The following BAIAP2L1 variants were observed in gnomAD, a reference collection of about 807,000 sequenced individuals.
BAIAP2L1 encodes the protein BAR/IMD domain containing adaptor protein 2 like 1, also known as BAR/IMD domain-containing adapter protein 2-like 1.
Under a neutral mutation model 66.3 loss-of-function variants are expected in BAIAP2L1, and 35 were observed. That is an observed-to-expected ratio of 0.53 (90% CI 0.40 to 0.70). The LOEUF (loss-of-function observed/expected upper bound fraction) is 0.70, where lower values mean the gene tolerates loss of function less well. Among genes scored for constraint, BAIAP2L1 ranks in the 30% least tolerant of loss-of-function variants. BAIAP2L1 has a pLI of 0.00. For missense variants in BAIAP2L1, 622 were observed against 656.9 expected (o/e 0.95, Z 0.58); for synonymous variants, 269 against 248.7 (o/e 1.08, Z -0.77).
intron 1 of BAIAP2L1, among the ~76,000 whole-genome samples, chr7:98,387,024 A>G (rs974930921): frequency 1.3e-5 from 2 of 152,100 alleles, no homozygotes; most frequent in African/African-American, 2.4e-5. Flanking sequence ...TAAAGACTGT[A>G]CATCGCCTTA....
At chr7:98,315,330 G>T in intron 7 of BAIAP2L1, 130 bp downstream of exon 7, 1 of 819,268 alleles carries the variant, frequency 1.2e-6, no homozygotes, top group Non-Finnish European at 1.7e-6. Flanking sequence ...GTTTTGCCAT[G>T]TTGCCCAGGC....
At chr7:98,345,931 GAC>G (rs1464676505) in intron 3 of BAIAP2L1, among the ~76,000 whole-genome samples, 1 of 151,700 alleles carries the variant, frequency 6.6e-6, no homozygotes, top group Non-Finnish European at 1.5e-5. Context: ...AAAAAAAAGA[GAC>G]AATAACAAGT....
intron 1 of BAIAP2L1, among the ~76,000 whole-genome samples, chr7:98,363,879 C>T (rs143516058): frequency 4.7e-4 from 72 of 152,210 alleles, no homozygotes; most frequent in Admixed American, 7.2e-4. Flanking sequence ...GAGAATAGGA[C>T]GACTCTTGTT....
intron 3 of BAIAP2L1, among the ~76,000 whole-genome samples, chr7:98,325,416 G>A (rs574898566): frequency 6.6e-6 from 1 of 152,100 alleles, no homozygotes; most frequent in East Asian, 1.9e-4. Context: ...GGTGGCTCAT[G>A]CCTGTAATCC....
At chr7:98,318,090 A>G (rs1162011982) in intron 5 of BAIAP2L1, among the ~76,000 whole-genome samples, 1 of 152,148 alleles carries the variant, frequency 6.6e-6, no homozygotes, top group Non-Finnish European at 1.5e-5. Context: ...AGTTCACACC[A>G]TCCACACACT....
intron 9 of BAIAP2L1, 176 bp from the exon 10 acceptor site, chr7:98,308,072 T>C (rs531226180): frequency 1.4e-5 from 10 of 726,486 alleles, no homozygotes; most frequent in Non-Finnish European, 2.2e-5. Context: ...GAACAGGGAC[T>C]GTTGAGAAAC....
intron 1 of BAIAP2L1, among the ~76,000 whole-genome samples, chr7:98,390,143 C>G (rs1802998447): frequency 6.6e-6 from 1 of 151,708 alleles, no homozygotes; most frequent in Non-Finnish European, 1.5e-5. Context: ...TCTCTATCTC[C>G]TGACCTCGTG....
chr7:98,361,229 C>T (rs1198701262), intron 2 of BAIAP2L1, among the ~76,000 whole-genome samples: 1 of 151,856 alleles, frequency 6.6e-6, no homozygotes, highest in Non-Finnish European at 1.5e-5. Flanking sequence ...TGGTGGTGTA[C>T]ACCTATAATC....
At chr7:98,387,148 C>G (rs778560874) in intron 1 of BAIAP2L1, among the ~76,000 whole-genome samples, 45 of 152,122 alleles carry the variant, frequency 3.0e-4, no homozygotes, top group Non-Finnish European at 5.4e-4. Flanking sequence ...CCCGCTGGGA[C>G]AGAGGGTAGG....
intron 1 of BAIAP2L1, among the ~76,000 whole-genome samples, chr7:98,397,783 A>C (rs1803251019): frequency 6.6e-6 from 1 of 152,162 alleles, no homozygotes; most frequent in African/African-American, 2.4e-5. Flanking sequence ...CATGCTATAA[A>C]GTGTGGAGTG....
At chr7:98,308,061 G>A (rs1800727902) in intron 9 of BAIAP2L1, 165 bp from the exon 10 acceptor site, 1 of 741,464 alleles carries the variant, frequency 1.3e-6, no homozygotes. Context: ...TTGCCCAGAA[G>A]GAACAGGGAC....
At position 98,393,623 on chromosome 7, in the gene BAIAP2L1, G is replaced by A. The variant is rs1171519164; in HGVS notation, c.51+7179C>T. Among the ~76,000 whole-genome samples, 8 of 151,468 alleles carry A rather than the reference G, an allele frequency of 5.3e-5. No individual in the cohort carries two copies. In the South Asian group the frequency reaches 1.2e-3, roughly 24 times the overall value. On this transcript the variant is annotated intron_variant, in intron 1 of 13. Coordinates refer to ENST00000005260, the MANE Select transcript of BAIAP2L1 (RefSeq NM_018842.5). ...CGCCATTCTCCCGCCTCAGCCTCCC[G>A]AGTAGCTGGGACTACAGCCTCCCGC...
Position 98,293,187 on chromosome 7 carries a change from T to C in BAIAP2L1, c.*334A>G, listed in dbSNP as rs371781026. ...GTGCAGAAAGCCAGTCCTGAAAGCA[T>C]AGACTATCCCTTATTCTGGCTGTTA... On this transcript the variant is annotated 3_prime_UTR_variant, in exon 14 of 14. Transcript: ENST00000005260. 75 of 288,696 alleles carry C rather than the reference T, an allele frequency of 2.6e-4. No individual in the cohort carries two copies. Among genetic ancestry groups the C allele is most frequent in the Middle Eastern group, 1.1e-3 (1 of 880 alleles). 17.9% of individuals were successfully genotyped at this position (288,696 alleles called of 1,614,324 possible). A position where few individuals can be genotyped will look rare whatever the true frequency, so the allele number is the denominator to read the frequency against.
intron 12 of BAIAP2L1, among the ~76,000 whole-genome samples, chr7:98,300,414 G>C (rs1212197867): frequency 6.6e-6 from 1 of 152,216 alleles, no homozygotes; most frequent in Non-Finnish European, 1.5e-5. Context: ...GCTGGATGCG[G>C]GTGACAGTTG....
chr7:98,386,105 G>A (rs922589062), intron 1 of BAIAP2L1: 43 of 1,586,906 alleles, frequency 2.7e-5, no homozygotes, highest in East Asian at 1.6e-4. Flanking sequence ...CGGATTTGGC[G>A]GACCTGTTGG....
chr7:98,381,194 G>C (rs1267439033), intron 1 of BAIAP2L1, among the ~76,000 whole-genome samples: 1 of 152,206 alleles, frequency 6.6e-6, no homozygotes. Context: ...TGATTGGGTA[G>C]GGAGTTTGGC....
rs1465338961 is a variant in BAIAP2L1, at chr7:98,301,507, C to T, written c.1422+2689G>A. Among the ~76,000 whole-genome samples the T allele has an allele frequency of 2.1e-5, 3 of 142,054 alleles. No individual in the cohort carries two copies. In the Admixed American group the frequency reaches 2.2e-4, roughly 10 times the overall value. The allele number at this position is 142,054 out of a possible 152,430, so 93.2% of individuals were successfully genotyped here. On this transcript the variant is annotated intron_variant, in intron 12 of 13. Coordinates refer to ENST00000005260, the MANE Select transcript of BAIAP2L1 (RefSeq NM_018842.5). Reference sequence around the variant, plus strand: ...TATATATATATATTTTAAGTGGAGACGGGATTTCACCGTGTTAGCCAGGAT... The same window carrying T: ...TATATATATATATTTTAAGTGGAGATGGGATTTCACCGTGTTAGCCAGGAT...
chr7:98,317,982 G>T (rs1381599931), intron 5 of BAIAP2L1, among the ~76,000 whole-genome samples: 1 of 151,294 alleles, frequency 6.6e-6, no homozygotes, highest in Admixed American at 6.6e-5. Flanking sequence ...TACGCTGGCT[G>T]GGACCCTCAC....
chr7:98,347,514 G>A (rs12112592), intron 3 of BAIAP2L1, among the ~76,000 whole-genome samples: 2,990 of 152,034 alleles, frequency 0.02, 103 homozygotes, highest in African/African-American at 0.069. Context: ...AGTGGCTCAC[G>A]CCTGTAATCC....
Sources: allele counts gnomAD v4.1 joint callset (sites outside exome capture counted in the v4.1 genomes callset), GRCh38; gene constraint gnomAD v4.1.1; transcripts MANE v1.5; gene names NCBI Gene and HGNC (gene_info 2026-07-23, HGNC 2026-07-21).